UGT1A8: variants seen among roughly 807,000 people sequenced by gnomAD.
UGT1A8 encodes the protein UDP glucuronosyltransferase family 1 member A8, also known as UDP-glucuronosyltransferase 1A8.
UGT1A8 carries 39 observed loss-of-function variants against 45.3 expected under a neutral mutation model. That is an observed-to-expected ratio of 0.86 (90% CI 0.67 to 1.12). The LOEUF (loss-of-function observed/expected upper bound fraction) is 1.12. Among genes scored for constraint, UGT1A8 ranks in the 50% most tolerant of loss-of-function variants. The pLI, the probability that UGT1A8 is intolerant of heterozygous loss-of-function variation, is 0.00. For synonymous variants in UGT1A8, 275 were observed against 249.2 expected (o/e 1.10, Z -0.97); for missense variants, 719 against 664.9 (o/e 1.08, Z -0.90).
intron 1 of UGT1A8, among the ~76,000 whole-genome samples, chr2:233,751,154 C>A (rs1181996969): frequency 6.6e-6 from 1 of 151,950 alleles, no homozygotes; most frequent in Non-Finnish European, 1.5e-5. Flanking sequence ...CCACTTCTGG[C>A]ATCAGCATGA....
chr2:233,737,176 C>CG (rs2078848522), intron 1 of UGT1A8, among the ~76,000 whole-genome samples: 1 of 152,196 alleles, frequency 6.6e-6, no homozygotes, highest in South Asian at 2.1e-4. Context: ...GAGTCTATAG[C>CG]GGCAGTAGCC....
chr2:233,682,372 G>A (rs375461567), intron 1 of UGT1A8: 1 of 1,614,042 alleles, frequency 6.2e-7, no homozygotes, highest in Non-Finnish European at 8.5e-7. Flanking sequence ...TTGATGCAGT[G>A]TTTCTCGATC....
At chr2:233,664,180 C>T (rs541437038) in intron 1 of UGT1A8, among the ~76,000 whole-genome samples, 4 of 152,144 alleles carry the variant, frequency 2.6e-5, no homozygotes, top group Non-Finnish European at 5.9e-5. Flanking sequence ...CCTCATTAGC[C>T]TGGCCCTCAC....
intron 1 of UGT1A8, among the ~76,000 whole-genome samples, chr2:233,737,121 G>T (rs11684169): frequency 0.034 from 5,131 of 152,320 alleles, 100 homozygotes; most frequent in African/African-American, 0.051. Context: ...ATGTTCAGAA[G>T]TTGTCTGCTG....
intron 1 of UGT1A8, among the ~76,000 whole-genome samples, chr2:233,664,774 G>A (rs987066954): frequency 3.3e-5 from 5 of 152,140 alleles, no homozygotes; most frequent in African/African-American, 1.2e-4. Context: ...ATGAGATTTG[G>A]GTGGGGACAA....
chr2:233,629,721 G>A (rs1303875746), intron 1 of UGT1A8, among the ~76,000 whole-genome samples: 5 of 152,100 alleles, frequency 3.3e-5, no homozygotes, highest in African/African-American at 7.2e-5. Flanking sequence ...AATGTTTGCT[G>A]GATTCATCAG....
rs1302353778 is a variant in UGT1A8 at position 233,617,764 on chromosome 2, C to G, written c.57C>G (p.Thr19=). 2 of 1,614,030 alleles carry G rather than the reference C, an allele frequency of 1.2e-6. No homozygotes were observed. The highest frequency in any genetic ancestry group is 1.7e-6 in the Non-Finnish European group (2 of 1,180,036). Residue 19 remains threonine, a synonymous_variant, in exon 1 of 5, where the codon ACC becomes ACG. Transcript: ENST00000373450. Reference sequence around the variant, plus strand: ...CCCTATGTGTTTCTCTGCTGCTGACCTGTGGCTTTGCTGAGGCAGGGAAGC... The same window carrying G: ...CCCTATGTGTTTCTCTGCTGCTGACGTGTGGCTTTGCTGAGGCAGGGAAGC... ...PIPLCVSLLL[T]CGFAEAGKLL...
intron 1 of UGT1A8, chr2:233,637,356 T>C (rs762101279): frequency 1.2e-6 from 2 of 1,613,510 alleles, no homozygotes; most frequent in African/African-American, 2.7e-5. Flanking sequence ...TCAACTGTCA[T>C]CAGGGAAAGC....
chr2:233,739,344 AG>A lies in UGT1A8; in HGVS notation c.856-27689del, dbSNP rs1575629032. On this transcript the variant is annotated intron_variant, in intron 1 of 4. Transcript: ENST00000373450. ...AGAAGGCCACAGTCCTTCAGAACCC[AG>A]AAGGGCAGATCCAATAGCTTGCACT... Among the ~76,000 whole-genome samples the A allele has an allele frequency of 3.9e-5, 6 of 152,328 alleles. No individual in the cohort carries two copies. In the East Asian group the frequency reaches 5.8e-4, roughly 15 times the overall value.
chr2:233,768,302 G>A lies in UGT1A8; in HGVS notation c.1158G>A (p.Val386=). The change falls in exon 4 of 5, where the codon GTG becomes GTA. Residue 386 remains valine, a synonymous_variant. Coordinates refer to ENST00000373450, the MANE Select transcript of UGT1A8 (RefSeq NM_019076.5). Reference sequence around the variant, plus strand: ...GCATATGCAATGGCGTTCCCATGGTGATGATGCCCTTGTTTGGTGATCAGA... The same window carrying A: ...GCATATGCAATGGCGTTCCCATGGTAATGATGCCCTTGTTTGGTGATCAGA... ...YESICNGVPM[V]MMPLFGDQMD... is the part of the protein sequence containing the mutation. 1 of 1,614,228 alleles carries A rather than the reference G, an allele frequency of 6.2e-7. No homozygotes were observed. Among genetic ancestry groups the A allele is most frequent in the Non-Finnish European group, 8.5e-7 (1 of 1,180,048 alleles).
intron 1 of UGT1A8, among the ~76,000 whole-genome samples, chr2:233,764,593 G>A (rs3771341): frequency 0.33 from 49,748 of 151,964 alleles, 8,444 homozygotes; most frequent in African/African-American, 0.4. Flanking sequence ...TTTTCCAGAT[G>A]AGCTTCAGTG....
chr2:233,736,836 A>T (rs1170480165), intron 1 of UGT1A8, among the ~76,000 whole-genome samples: 1 of 152,200 alleles, frequency 6.6e-6, no homozygotes, highest in Admixed American at 6.5e-5. Context: ...TTGCTTTGGT[A>T]TCACCAGTGG....
intron 1 of UGT1A8, among the ~76,000 whole-genome samples, chr2:233,726,425 CTCTTAA>C (rs2077531694): frequency 6.6e-6 from 1 of 152,204 alleles, no homozygotes; most frequent in Non-Finnish European, 1.5e-5. Context: ...ATTCTGTCCA[CTCTTAA>C]TCTTATTCTT....
At chr2:233,742,468 T>C (rs1293032566) in intron 1 of UGT1A8, among the ~76,000 whole-genome samples, 1 of 151,930 alleles carries the variant, frequency 6.6e-6, no homozygotes, top group East Asian at 1.9e-4. Flanking sequence ...CTTATTCCAG[T>C]AAACTCACAA....
chr2:233,636,465 G>A (rs1002166416), intron 1 of UGT1A8: 41 of 1,556,514 alleles, frequency 2.6e-5, no homozygotes, highest in South Asian at 2.0e-4. Context: ...TACTTCTTCC[G>A]CCTACTGTAT....
At chr2:233,701,658 T>C (rs1262453541) in intron 1 of UGT1A8, among the ~76,000 whole-genome samples, 1 of 152,222 alleles carries the variant, frequency 6.6e-6, no homozygotes, top group East Asian at 1.9e-4. Flanking sequence ...CAGACCACAG[T>C]GCAATCAAAC....
intron 1 of UGT1A8, among the ~76,000 whole-genome samples, chr2:233,727,486 G>T (rs2077620182): frequency 6.6e-6 from 1 of 152,192 alleles, no homozygotes; most frequent in Non-Finnish European, 1.5e-5. Flanking sequence ...ACTACTTGGA[G>T]GTAGAACATG....
chr2:233,713,717 G>T, intron 1 of UGT1A8: 1 of 1,613,946 alleles, frequency 6.2e-7, no homozygotes, highest in Non-Finnish European at 8.5e-7. Flanking sequence ...TTCAGAGAGA[G>T]GTGTCAGTGG....
intron 1 of UGT1A8, among the ~76,000 whole-genome samples, chr2:233,660,706 C>T (rs1011571835): frequency 1.3e-5 from 2 of 152,084 alleles, no homozygotes; most frequent in Admixed American, 6.6e-5. Context: ...TCCTCGTGCC[C>T]GCTTCTCTTC....
Sources: allele counts gnomAD v4.1 joint callset (sites outside exome capture counted in the v4.1 genomes callset), GRCh38; gene constraint gnomAD v4.1.1; transcripts MANE v1.5; gene names NCBI Gene and HGNC (gene_info 2026-07-23, HGNC 2026-07-21).